Variants in GALNT7 observed in about 807,000 individuals in gnomAD.
The protein encoded by GALNT7 is N-acetylgalactosaminyltransferase 7.
GALNT7 carries 60 observed loss-of-function variants against 82.1 expected under a neutral mutation model. The observed-to-expected ratio is 0.73, with a 90% CI of 0.59 to 0.91. The LOEUF (loss-of-function observed/expected upper bound fraction) is 0.91. Ranked by LOEUF, GALNT7 falls within the 40% of genes least tolerant of loss-of-function variation. GALNT7 has a pLI of 0.00. For missense variants in GALNT7, 660 were observed against 804.2 expected, an observed-to-expected ratio of 0.82 and a Z score of 2.17; for synonymous variants, 243 against 275.1, an observed-to-expected ratio of 0.88 and a Z score of 1.15.
intron 1 of GALNT7, among the ~76,000 whole-genome samples, chr4:173,235,645 G>T (rs761091829): frequency 6.8e-6 from 1 of 147,882 alleles, no homozygotes; most frequent in Non-Finnish European, 1.5e-5. Context: ...ATGCTCCACC[G>T]CCCAGGTTCA....
chr4:173,220,472 G>A (rs964388290), intron 1 of GALNT7, among the ~76,000 whole-genome samples: 8 of 151,984 alleles, frequency 5.3e-5, no homozygotes, highest in East Asian at 3.9e-4. Context: ...TTGGCTATGC[G>A]AGCTCTTTTT....
At chr4:173,261,378 C>T (rs1049415784) in intron 2 of GALNT7, among the ~76,000 whole-genome samples, 3 of 148,594 alleles carry the variant, frequency 2.0e-5, no homozygotes, top group East Asian at 1.9e-4. Context: ...ACAGTGGCAT[C>T]AGTTTTTTTT....
At chr4:173,256,946 G>A (rs1276561159) in intron 2 of GALNT7, among the ~76,000 whole-genome samples, 2 of 152,182 alleles carry the variant, frequency 1.3e-5, no homozygotes, top group Non-Finnish European at 2.9e-5. Context: ...TCAATAGACA[G>A]CAAGGATTAC....
At chr4:173,199,483 C>A (rs533437376) in intron 1 of GALNT7, among the ~76,000 whole-genome samples, 2 of 152,124 alleles carry the variant, frequency 1.3e-5, no homozygotes, top group Non-Finnish European at 2.9e-5. Context: ...GAGATATTCC[C>A]GTCATAACCA....
At chr4:173,207,915 T>C (rs1733151019) in intron 1 of GALNT7, among the ~76,000 whole-genome samples, 1 of 152,206 alleles carries the variant, frequency 6.6e-6, no homozygotes, top group South Asian at 2.1e-4. Context: ...ACGAATCTCA[T>C]TTTTTTAACT....
chr4:173,246,727 C>T (rs189665768), intron 1 of GALNT7, among the ~76,000 whole-genome samples: 320 of 152,282 alleles, frequency 2.1e-3, no homozygotes, highest in Middle Eastern at 0.017. Context: ...CAACATCATA[C>T]TTAGAGACTT....
At chr4:173,291,672 CAT>C (rs1051888784) in intron 2 of GALNT7, among the ~76,000 whole-genome samples, 9 of 151,670 alleles carry the variant, frequency 5.9e-5, no homozygotes, top group African/African-American at 2.2e-4. Flanking sequence ...TTTAGTAAAA[CAT>C]AGCAATATAG....
At chr4:173,289,125 C>T (rs545147616) in intron 2 of GALNT7, among the ~76,000 whole-genome samples, 1 of 152,232 alleles carries the variant, frequency 6.6e-6, no homozygotes, top group Non-Finnish European at 1.5e-5. Flanking sequence ...CAGAAACCTT[C>T]AGTTGCCCTA....
chr4:173,266,785 G>C lies in GALNT7; in HGVS notation c.587+18345G>C, dbSNP rs1735509608. On this transcript the variant is annotated intron_variant, in intron 2 of 11. Transcript: ENST00000265000. ...AGCCAGGCACCGAAAGACAAGTATTGCATGTTCTCACTCACGTGGAAGCTA... is the reference window on the plus strand; with the variant it reads ...AGCCAGGCACCGAAAGACAAGTATTCCATGTTCTCACTCACGTGGAAGCTA... Among the ~76,000 whole-genome samples, 2 of 151,724 alleles carry C rather than the reference G, an allele frequency of 1.3e-5. 1 individual carries two copies. The highest frequency in any genetic ancestry group is 4.2e-4 in the South Asian group (2 of 4,810).
Position 173,304,006 on chromosome 4 carries a change from G to A in GALNT7, c.1277G>A (p.Cys426Tyr). The part of the protein sequence containing the change: ...NFEISYKIWQ[C>Y]GGKLLFVPCS... The stretch of plus-strand genomic sequence containing the variant: ...GTTTTTCCTTCATAGATATGGCAGT[G>A]TGGTGGCAAATTATTATTTGTTCCT... The change falls in exon 8 of 12, where the codon TGT (cysteine) becomes TAT (tyrosine). Residue 426 changes from cysteine to tyrosine, a missense_variant. Physicochemically the swap from Cys to Tyr is radical, Grantham distance 194. This residue lies in a region of GALNT7 where 527 missense variants were observed against 683.5 expected (regional missense o/e 0.77). Coordinates refer to ENST00000265000, the MANE Select transcript of GALNT7 (RefSeq NM_017423.3). The A allele has an allele frequency of 1.2e-6, 2 of 1,610,270 alleles. No individual in the cohort carries two copies. Among genetic ancestry groups the A allele is most frequent in the Non-Finnish European group, 8.5e-7 (1 of 1,177,990 alleles).
intron 1 of GALNT7, among the ~76,000 whole-genome samples, chr4:173,201,933 T>G (rs914272633): frequency 1.3e-5 from 2 of 152,232 alleles, no homozygotes; most frequent in Non-Finnish European, 2.9e-5. Flanking sequence ...TGCCTGGGTC[T>G]TCTTATACTT....
At chr4:173,296,421 T>G (rs538446970) in intron 5 of GALNT7, among the ~76,000 whole-genome samples, 113 of 152,210 alleles carry the variant, frequency 7.4e-4, no homozygotes, top group African/African-American at 2.6e-3. Context: ...TAGTCCATAA[T>G]TAGGAAAATA....
At chr4:173,232,924 A>T (rs974817201) in intron 1 of GALNT7, among the ~76,000 whole-genome samples, 3 of 152,154 alleles carry the variant, frequency 2.0e-5, no homozygotes, top group African/African-American at 7.2e-5. Context: ...ACTGTTAGCC[A>T]TCATTCTACT....
intron 2 of GALNT7, among the ~76,000 whole-genome samples, chr4:173,257,794 A>C (rs577327934): frequency 6.6e-6 from 1 of 152,306 alleles, no homozygotes; most frequent in African/African-American, 2.4e-5. Flanking sequence ...GCGAACTAAA[A>C]CCATGATAAG....
intron 1 of GALNT7, among the ~76,000 whole-genome samples, chr4:173,236,096 G>A (rs1734220470): frequency 6.6e-6 from 1 of 152,114 alleles, no homozygotes; most frequent in Admixed American, 6.5e-5. Context: ...AGCAACAAGG[G>A]GATCACAAAA....
At chr4:173,203,995 T>G (rs920533342) in intron 1 of GALNT7, among the ~76,000 whole-genome samples, 7 of 152,228 alleles carry the variant, frequency 4.6e-5, no homozygotes, top group African/African-American at 1.4e-4. Flanking sequence ...GAACTCCCTT[T>G]ACTATTTCTT....
At position 173,302,105 on chromosome 4, in the gene GALNT7, G is replaced by A; in HGVS notation, c.1207G>A (p.Gly403Ser). The change falls in exon 7 of 12, where the codon GGT (glycine) becomes AGT (serine). Residue 403 changes from glycine to serine, a missense_variant. By Grantham distance (56) the Gly-to-Ser change is moderately conservative (BLOSUM62 0). Transcript: ENST00000265000. This position sits in a 1 kb window ranked among gnomAD's most constrained non-coding sequence, Gnocchi z 4.2. ...AIEREFFFEL[G>S]LYDPGLQIWG... ...TGAACGAGAGTTCTTCTTTGAATTG[G>A]GTCTCTATGATCCAGGTCTCCAGAT... 6.2e-7 allele frequency: 1 copy of A among 1,602,276 alleles called. No homozygotes were observed.
chr4:173,168,811 G>GT lies in GALNT7; in HGVS notation c.-24dup. Reference sequence around the variant, plus strand: ...GCGGTGGCGGCGGCTGCGCCGGGCTGTGAGTCTCTCGCCGCCGGAGGAAGA... The same window carrying GT: ...GCGGTGGCGGCGGCTGCGCCGGGCTGTTGAGTCTCTCGCCGCCGGAGGAAGA... On this transcript the variant is annotated 5_prime_UTR_variant, in exon 1 of 12. Coordinates refer to ENST00000265000, the MANE Select transcript of GALNT7 (RefSeq NM_017423.3). 1 of 1,607,082 alleles carries GT rather than the reference G, an allele frequency of 6.2e-7. No homozygotes were observed.
chr4:173,262,015 CATT>C (rs1735287867), intron 2 of GALNT7, among the ~76,000 whole-genome samples: 1 of 151,870 alleles, frequency 6.6e-6, no homozygotes. Flanking sequence ...AAACGAGTAT[CATT>C]GTCTTAGATT....
Sources: gnomAD v4.1 joint callset for allele counts (sites outside exome capture counted in the v4.1 genomes callset) on GRCh38, gnomAD v4.1.1 for gene constraint, gnomAD v4.1.1 regional missense constraint, Gnocchi (gnomAD v3.1) non-coding constraint, MANE v1.5 for transcripts, NCBI Gene and HGNC (gene_info 2026-07-23, HGNC 2026-07-21) for gene names.